The following TNKS1BP1 variants were observed in gnomAD, a reference collection of about 807,000 sequenced individuals.
TNKS1BP1 encodes the protein 182 kDa tankyrase-1-binding protein.
Under a neutral mutation model 141.1 loss-of-function variants are expected in TNKS1BP1, and 48 were observed. That is an observed-to-expected ratio of 0.34 (90% CI 0.27 to 0.43). The LOEUF is 0.43. Ranked by LOEUF, TNKS1BP1 falls within the 20% of genes least tolerant of loss-of-function variation. The probability of loss-of-function intolerance (pLI) is 1.00; values close to 1 mark genes in which losing one functional copy is unlikely to be tolerated. For synonymous variants in TNKS1BP1, 875 were observed against 898.2 expected (o/e 0.97, Z 0.46); for missense variants, 2,149 against 2,226.0 (o/e 0.97, Z 0.70).
rs377332391 is a variant in TNKS1BP1, at chr11:57,302,517, C to T, written c.4625G>A (p.Arg1542Gln). 58 of 1,611,678 alleles carry T rather than the reference C, an allele frequency of 3.6e-5. No individual in the cohort carries two copies. The highest frequency in any genetic ancestry group is 4.8e-5 in the Non-Finnish European group (57 of 1,178,856). Reference sequence around the variant, plus strand: ...GGCAGGAGGGCCTTGGGAGGGTCGCCGAGAAGTCTGTGCTGGCCCCTGATC... The same window carrying T: ...GGCAGGAGGGCCTTGGGAGGGTCGCTGAGAAGTCTGTGCTGGCCCCTGATC... ...WSDQGPAQTSRRPSQGPPARS... is the reference protein window; with the variant it reads ...WSDQGPAQTSQRPSQGPPARS... Residue 1542 changes from arginine to glutamine, a missense_variant, in exon 7 of 12, where the codon CGG becomes CAG. Transcript: ENST00000358252. The surrounding 1 kb of genome is among the most constrained non-coding windows in gnomAD (Gnocchi z 5.5).
At chr11:57,307,698 G>A (rs538703385) in intron 6 of TNKS1BP1, among the ~76,000 whole-genome samples, 51 of 152,336 alleles carry the variant, frequency 3.3e-4, no homozygotes, top group African/African-American at 1.0e-3. Flanking sequence ...TTAACAAAAC[G>A]GATGCAATGC....
At chr11:57,314,432 G>A (rs1400145256) in intron 4 of TNKS1BP1, among the ~76,000 whole-genome samples, 1 of 152,220 alleles carries the variant, frequency 6.6e-6, no homozygotes, top group Non-Finnish European at 1.5e-5. Context: ...GAAGGCTATG[G>A]GACCCAGGCA....
chr11:57,302,145 A>G lies in TNKS1BP1; in HGVS notation c.4763T>C (p.Ile1588Thr), dbSNP rs1855534187. ...GRKRGHRAPV[I>T]RPGGTLGLSE... ...CAGGCCCAAGGTACCCCCAGGCCGA[A>G]TGACCGGGGCCCGGTGCCCACGCTT... Residue 1588 changes from isoleucine to threonine, a missense_variant, in exon 8 of 12, where the codon ATT becomes ACT. Ile to Thr is a moderately conservative substitution (Grantham distance 89). Transcript: ENST00000358252. The surrounding 1 kb of genome is among the most constrained non-coding windows in gnomAD (Gnocchi z 5.5). 6.2e-7 allele frequency: 1 copy of G among 1,613,602 alleles called. No individual in the cohort carries two copies. Among genetic ancestry groups the G allele is most frequent in the Non-Finnish European group, 8.5e-7 (1 of 1,179,990 alleles).
In TNKS1BP1 at chr11:57,308,462, A is replaced by G; in HGVS notation, c.4249T>C (p.Ser1417Pro). 2 of 1,614,118 alleles carry G rather than the reference A, an allele frequency of 1.2e-6. No individual in the cohort carries two copies. The highest frequency in any genetic ancestry group is 2.2e-5 in the South Asian group (2 of 91,080). ...PETQGEDYSS[S>P]SLEPHPADPG... is the part of the protein sequence containing the mutation. ...TCTGCAGGGTGTGGCTCCAAGGAAG[A>G]CGAGGAGTAATCTTCACCCTGGGTC... Residue 1417 changes from serine to proline, a missense_variant, in exon 6 of 12, where the codon TCT (serine) becomes CCT (proline). Coordinates refer to ENST00000358252, the MANE Select transcript of TNKS1BP1 (RefSeq NM_033396.3).
intron 1 of TNKS1BP1, among the ~76,000 whole-genome samples, chr11:57,322,820 G>A (rs1855908740): frequency 6.6e-6 from 1 of 152,228 alleles, no homozygotes; most frequent in Non-Finnish European, 1.5e-5. Context: ...GGGTGGAGCA[G>A]CCACAGCCTA....
Position 57,302,111 on chromosome 11 carries a change from T to G in TNKS1BP1, c.4797A>C (p.Ala1599=). Residue 1599 remains alanine, a synonymous_variant, in exon 8 of 12, where the codon GCA becomes GCC. Coordinates refer to ENST00000358252, the MANE Select transcript of TNKS1BP1 (RefSeq NM_033396.3). The surrounding 1 kb of genome is among the most constrained non-coding windows in gnomAD (Gnocchi z 5.5). ...GGAACAGGTGTGCATCCGAGTCTGC[T>G]GCCTCCGACAGGCCCAAGGTACCCC... ...RPGGTLGLSE[A]ADSDAHLFQD... 6.2e-7 allele frequency: 1 copy of G among 1,613,988 alleles called. No individual in the cohort carries two copies. The highest frequency in any genetic ancestry group is 8.5e-7 in the Non-Finnish European group (1 of 1,179,954).
chr11:57,311,723 C>A (rs1461860064), intron 5 of TNKS1BP1, among the ~76,000 whole-genome samples: 1 of 152,246 alleles, frequency 6.6e-6, no homozygotes, highest in Admixed American at 6.5e-5. Context: ...ACCTGGCCCC[C>A]GGCCCTTAAA....
At position 57,302,148 on chromosome 11, in the gene TNKS1BP1, A is replaced by T. The variant is rs1339243864; in HGVS notation, c.4760T>A (p.Val1587Asp). Residue 1587 changes from valine (V) to aspartate (D), a missense_variant, in exon 8 of 12, where the codon GTC (valine) becomes GAC (aspartate). Transcript: ENST00000358252. This position sits in a 1 kb window ranked among gnomAD's most constrained non-coding sequence, Gnocchi z 5.5. Reference protein sequence around the residue: ...LGRKRGHRAPVIRPGGTLGLS... With the variant: ...LGRKRGHRAPDIRPGGTLGLS... ...GCCCAAGGTACCCCCAGGCCGAATG[A>T]CCGGGGCCCGGTGCCCACGCTTGCG... The T allele has an allele frequency of 1.2e-6, 2 of 1,613,588 alleles. No individual in the cohort carries two copies. Among genetic ancestry groups the T allele is most frequent in the South Asian group, 1.1e-5 (1 of 91,054 alleles).
intron 6 of TNKS1BP1, chr11:57,303,253 GGTACTGGCCCACC>G (rs1337266088): frequency 6.2e-6 from 1 of 161,526 alleles, no homozygotes; most frequent in Non-Finnish European, 1.3e-5. Context: ...GGGTGAGCCA[GGTACTGGCCCACC>G]TGCCTCTCCG....
At chr11:57,318,546 C>G (rs1449126641) in intron 3 of TNKS1BP1, among the ~76,000 whole-genome samples, 1 of 152,232 alleles carries the variant, frequency 6.6e-6, no homozygotes, top group African/African-American at 2.4e-5. Context: ...CAGACCACAC[C>G]AGCTCTTGCC....
chr11:57,320,011 G>GCCCCCCCCCCAAAACCC, intron 3 of TNKS1BP1, 68 bp downstream of exon 3: 1 of 1,296,684 alleles, frequency 7.7e-7, no homozygotes, highest in Non-Finnish European at 1.1e-6. Flanking sequence ...TTGGTCCCCA[G>GCCCCCCCCCCAAAACCC]CCCCCACCCA....
At chr11:57,308,342 G>A in intron 6 of TNKS1BP1, 53 bp downstream of exon 6, 1 of 1,540,844 alleles carries the variant, frequency 6.5e-7, no homozygotes, top group Middle Eastern at 1.8e-4. Context: ...CCGATTTCTT[G>A]GACAGCCTTC....
intron 9 of TNKS1BP1, among the ~76,000 whole-genome samples, chr11:57,301,462 C>T (rs1181995344): frequency 6.6e-6 from 1 of 152,188 alleles, no homozygotes; most frequent in Non-Finnish European, 1.5e-5. Flanking sequence ...TAGGAAATAA[C>T]TCCTCTCTCT....
In TNKS1BP1 at chr11:57,308,966, G is replaced by C; in HGVS notation, c.3745C>G (p.Gln1249Glu). ...AEVGEGGGHS[Q>E]ARESGVGQTD... ...TGCCCCACGCCACTCTCTCTGGCCT[G>C]GCTGTGGCCTCCTCCCTCCCCGACC... The change falls in exon 6 of 12, where the codon CAG (glutamine) becomes GAG (glutamate). Residue 1249 changes from glutamine to glutamate, a missense_variant. By Grantham distance (29) the Gln-to-Glu change is conservative. Coordinates refer to ENST00000358252, the MANE Select transcript of TNKS1BP1 (RefSeq NM_033396.3). 6.2e-7 allele frequency: 1 copy of C among 1,614,020 alleles called. No individual in the cohort carries two copies. Among genetic ancestry groups the C allele is most frequent in the Non-Finnish European group, 8.5e-7 (1 of 1,180,000 alleles).
Position 57,309,025 on chromosome 11 carries a change from G to A in TNKS1BP1, c.3686C>T (p.Ser1229Phe). ...GIGVGEKDWT[S>F]DVNVKSKDLA... is the part of the protein sequence containing the mutation. ...ATCTTTGCTCTTCACATTAACATCAGAAGTCCAGTCCTTCTCCCCAACTCC... is the reference window on the plus strand; with the variant it reads ...ATCTTTGCTCTTCACATTAACATCAAAAGTCCAGTCCTTCTCCCCAACTCC... Residue 1229 changes from serine (S) to phenylalanine (F), a missense_variant, in exon 6 of 12, where the codon TCT (serine) becomes TTT (phenylalanine). By Grantham distance (155) the Ser-to-Phe change is radical. Coordinates refer to ENST00000358252, the MANE Select transcript of TNKS1BP1 (RefSeq NM_033396.3). The surrounding 1 kb of genome is among the most constrained non-coding windows in gnomAD (Gnocchi z 4.3). 6.2e-7 allele frequency: 1 copy of A among 1,614,066 alleles called. No individual in the cohort carries two copies. Among genetic ancestry groups the A allele is most frequent in the Non-Finnish European group, 8.5e-7 (1 of 1,180,018 alleles).
At chr11:57,305,579 G>A (rs1428194996) in intron 6 of TNKS1BP1, among the ~76,000 whole-genome samples, 2 of 152,152 alleles carry the variant, frequency 1.3e-5, no homozygotes, top group East Asian at 3.9e-4. Flanking sequence ...GGTGAAGCTG[G>A]AAAGATGTGT....
intron 1 of TNKS1BP1, 44 bp downstream of exon 1, chr11:57,324,796 C>T: frequency 1.0e-6 from 1 of 985,592 alleles, no homozygotes; most frequent in Non-Finnish European, 1.2e-6. Flanking sequence ...CGCCCCATCC[C>T]GGACCCCGCC....
chr11:57,303,901 C>T (rs138862877), intron 6 of TNKS1BP1, among the ~76,000 whole-genome samples: 168 of 152,178 alleles, frequency 1.1e-3, no homozygotes, highest in African/African-American at 3.9e-3. Flanking sequence ...AATACAAACA[C>T]GGCACAAGCA....
In TNKS1BP1 at chr11:57,312,668, C is replaced by A. The variant is rs140956143; in HGVS notation, c.2020G>T (p.Glu674Ter). The change falls in exon 5 of 12, where the codon GAG becomes TAG. Residue 674 changes from glutamate (E) to a stop codon, truncating the protein, a stop_gained. Coordinates refer to ENST00000358252, the MANE Select transcript of TNKS1BP1 (RefSeq NM_033396.3). LOFTEE classifies it high-confidence loss of function. Reference protein sequence around the residue: ...EAQDLCRASPEPPGPESSSRW... With the variant: ...EAQDLCRASP ...GAGCTGCTTTCAGGGCCTGGAGGCTCGGGGGATGCCCTACACAAGTCTTGA... is the reference window on the plus strand; with the variant it reads ...GAGCTGCTTTCAGGGCCTGGAGGCTAGGGGGATGCCCTACACAAGTCTTGA... 16 of 1,585,414 alleles carry A rather than the reference C, an allele frequency of 1.0e-5. No homozygotes were observed. Among genetic ancestry groups the A allele is most frequent in the Non-Finnish European group, 1.4e-5 (16 of 1,166,062 alleles).
Sources: gnomAD v4.1 joint callset for allele counts (sites outside exome capture counted in the v4.1 genomes callset) on GRCh38, gnomAD v4.1.1 for gene constraint, Gnocchi (gnomAD v3.1) non-coding constraint, MANE v1.5 for transcripts, NCBI Gene and HGNC (gene_info 2026-07-23, HGNC 2026-07-21) for gene names.